Variants in CEP85L observed in about 807,000 individuals in gnomAD.
CEP85L encodes the protein centrosomal protein of 85 kDa-like.
CEP85L carries 60 observed loss-of-function variants against 100.3 expected under a neutral mutation model. That is an observed-to-expected ratio of 0.60 (90% CI 0.49 to 0.74). The LOEUF (loss-of-function observed/expected upper bound fraction) is 0.74, where lower values mean the gene tolerates loss of function less well. Among genes scored for constraint, CEP85L ranks in the 30% least tolerant of loss-of-function variants. The pLI is 0.00. For synonymous variants in CEP85L, 319 were observed against 322.7 expected (o/e 0.99, Z 0.12); for missense variants, 973 against 936.2 (o/e 1.04, Z -0.51).
intron 2 of CEP85L, among the ~76,000 whole-genome samples, chr6:118,619,821 T>G (rs1357996630): frequency 1.3e-5 from 2 of 152,206 alleles, no homozygotes; most frequent in Non-Finnish European, 2.9e-5. Context: ...AGACCTTAAG[T>G]CCTACTGAAA....
At chr6:118,672,553 C>G (rs1197311372) in intron 1 of CEP85L, among the ~76,000 whole-genome samples, 2 of 151,934 alleles carry the variant, frequency 1.3e-5, no homozygotes, top group African/African-American at 4.8e-5. Context: ...GATCACTGAG[C>G]CCAGCAGTTC....
At chr6:118,497,983 A>T (rs1217736347) in intron 5 of CEP85L, among the ~76,000 whole-genome samples, 1 of 152,226 alleles carries the variant, frequency 6.6e-6, no homozygotes, top group Non-Finnish European at 1.5e-5. Flanking sequence ...ACAATGATAC[A>T]AGGATGAGAA....
chr6:118,684,376 C>T (rs1033869877), intron 1 of CEP85L, among the ~76,000 whole-genome samples: 2 of 152,112 alleles, frequency 1.3e-5, no homozygotes, highest in Admixed American at 6.5e-5. Flanking sequence ...GTGGCGCATG[C>T]CTGTTAATTA....
At chr6:118,573,725 A>T in intron 2 of CEP85L, among the ~76,000 whole-genome samples, 1 of 152,178 alleles carries the variant, frequency 6.6e-6, no homozygotes, top group Admixed American at 6.5e-5. Flanking sequence ...ATGGGTATAT[A>T]TTATAATTTC....
intron 2 of CEP85L, among the ~76,000 whole-genome samples, chr6:118,591,394 G>A (rs1781182503): frequency 6.6e-6 from 1 of 151,872 alleles, no homozygotes; most frequent in South Asian, 2.1e-4. Flanking sequence ...CCTCTGATTG[G>A]TCCCCTCCTG....
chr6:118,567,100 TGA>T lies in CEP85L; in HGVS notation c.233-786_233-785del, dbSNP rs544365928. 3.3e-4 allele frequency among the ~76,000 whole-genome samples: 50 copies of T among 151,890 alleles called. No homozygotes were observed. In the South Asian group the frequency reaches 9.6e-3, roughly 29 times the overall value. On this transcript the variant is annotated intron_variant, in intron 2 of 12. Transcript: ENST00000368491. The stretch of plus-strand genomic sequence containing the variant: ...CAAACTCTAATTCAAATGAGAAATA[TGA>T]GTAAAGGTGCTCCTGCAATAATGAA...
chr6:118,615,425 A>C (rs533425440), intron 2 of CEP85L, among the ~76,000 whole-genome samples: 166 of 108,218 alleles, frequency 1.5e-3, no homozygotes, highest in African/African-American at 5.8e-3. Flanking sequence ...AACTCTACCC[A>C]AAAAGTAAAT....
At chr6:118,480,612 T>C (rs1411793342) in intron 8 of CEP85L, 99 bp from the exon 9 acceptor site, 7 of 746,298 alleles carry the variant, frequency 9.4e-6, no homozygotes, top group East Asian at 2.6e-5. Flanking sequence ...AAAAATATTA[T>C]AGACCCTAAA....
intron 2 of CEP85L, among the ~76,000 whole-genome samples, chr6:118,576,726 C>T (rs959985768): frequency 6.6e-6 from 1 of 152,034 alleles, no homozygotes; most frequent in Non-Finnish European, 1.5e-5. Flanking sequence ...GCCCTAAAAC[C>T]ATACCTACAC....
intron 2 of CEP85L, among the ~76,000 whole-genome samples, chr6:118,627,887 A>C (rs1773904946): frequency 6.6e-6 from 1 of 152,194 alleles, no homozygotes; most frequent in Admixed American, 6.5e-5. Context: ...AACTCCAGTC[A>C]ATTCTAGTCT....
chr6:118,600,604 G>A (rs1355639753), intron 2 of CEP85L, among the ~76,000 whole-genome samples: 1 of 150,720 alleles, frequency 6.6e-6, no homozygotes, highest in Non-Finnish European at 1.5e-5. Flanking sequence ...TTACACATGT[G>A]AGCCACCACA....
At chr6:118,581,507 G>GT (rs1241172164) in intron 2 of CEP85L, among the ~76,000 whole-genome samples, 1 of 151,864 alleles carries the variant, frequency 6.6e-6, no homozygotes, top group Non-Finnish European at 1.5e-5. Context: ...GACTACTTGG[G>GT]TAAGTGTGAC....
intron 1 of CEP85L, 139 bp downstream of exon 1, chr6:118,651,058 G>A (rs1019302103): frequency 4.6e-6 from 6 of 1,291,074 alleles, no homozygotes; most frequent in South Asian, 1.8e-5. Context: ...CAGCGGGGAG[G>A]ACACTGGGCA....
intron 12 of CEP85L, among the ~76,000 whole-genome samples, chr6:118,466,114 A>G (rs9489406): frequency 0.68 from 102,704 of 152,038 alleles, 35,394 homozygotes; most frequent in Middle Eastern, 0.74. Flanking sequence ...CTACAATCCC[A>G]AACAATTTAA....
intron 5 of CEP85L, among the ~76,000 whole-genome samples, chr6:118,509,126 C>A (rs778692146): frequency 1.3e-5 from 2 of 152,112 alleles, no homozygotes; most frequent in Non-Finnish European, 2.9e-5. Flanking sequence ...TTTTAACAAC[C>A]CCTTTTACAT....
At chr6:118,665,269 G>C (rs1776097726) in intron 1 of CEP85L, among the ~76,000 whole-genome samples, 1 of 152,112 alleles carries the variant, frequency 6.6e-6, no homozygotes, top group Non-Finnish European at 1.5e-5. Context: ...AGTAATACAT[G>C]AATCAACAAG....
chr6:118,536,076 T>C (rs1777573126), intron 3 of CEP85L, among the ~76,000 whole-genome samples: 1 of 152,098 alleles, frequency 6.6e-6, no homozygotes, highest in Non-Finnish European at 1.5e-5. Context: ...AAAGAACTTA[T>C]CATAATAAAA....
At chr6:118,653,176 T>A (rs1775655457), upstream of CEP85L, among the ~76,000 whole-genome samples, 1 of 152,234 alleles carries the variant, frequency 6.6e-6, no homozygotes, top group South Asian at 2.1e-4. Flanking sequence ...TACATCTTTT[T>A]ATCAATATAA....
intron 1 of CEP85L, among the ~76,000 whole-genome samples, chr6:118,670,172 G>T (rs144539409): frequency 6.6e-6 from 1 of 151,278 alleles, no homozygotes; most frequent in Non-Finnish European, 1.5e-5. Flanking sequence ...GGGCTTGCCC[G>T]TGTGACTTGC....
Sources: gnomAD v4.1 joint callset for allele counts (sites outside exome capture counted in the v4.1 genomes callset) on GRCh38, gnomAD v4.1.1 for gene constraint, MANE v1.5 for transcripts, NCBI Gene and HGNC (gene_info 2026-07-23, HGNC 2026-07-21) for gene names.